PTPRG: variants seen among roughly 807,000 people sequenced by gnomAD.
PTPRG encodes the protein receptor-type tyrosine-protein phosphatase gamma.
In PTPRG, 102 loss-of-function variants were observed where a neutral mutation model predicts 165.3. That is an observed-to-expected ratio of 0.62 (90% CI 0.53 to 0.73). PTPRG has a LOEUF of 0.73. Ranked by LOEUF, PTPRG falls within the 30% of genes least tolerant of loss-of-function variation. PTPRG has a pLI of 0.00. For missense variants in PTPRG, 1,866 were observed against 1,861.4 expected, an observed-to-expected ratio of 1.00 and a Z score of -0.05; for synonymous variants, 675 against 669.5, an observed-to-expected ratio of 1.01 and a Z score of -0.13.
chr3:62,095,331 G>A (rs561603905), intron 5 of PTPRG, among the ~76,000 whole-genome samples: 1 of 152,310 alleles, frequency 6.6e-6, no homozygotes, highest in Admixed American at 6.5e-5. Flanking sequence ...ATTTTTGTGA[G>A]GTGGTGTGGT....
At chr3:62,177,703 C>T (rs942918365) in intron 8 of PTPRG, among the ~76,000 whole-genome samples, 1 of 152,116 alleles carries the variant, frequency 6.6e-6, no homozygotes, top group African/African-American at 2.4e-5. Context: ...AGGCTGTTCC[C>T]TCTACCTGGA....
At chr3:61,879,379 C>T (rs780776457) in intron 2 of PTPRG, among the ~76,000 whole-genome samples, 10 of 152,082 alleles carry the variant, frequency 6.6e-5, no homozygotes, top group Non-Finnish European at 1.2e-4. Context: ...TCGAGGTCTT[C>T]TTTTCTTTCT....
At chr3:62,115,826 C>G (rs1702846311) in intron 5 of PTPRG, among the ~76,000 whole-genome samples, 3 of 151,912 alleles carry the variant, frequency 2.0e-5, no homozygotes, top group African/African-American at 7.3e-5. Flanking sequence ...TGTGAGCCAC[C>G]ACTCCTGACC....
intron 2 of PTPRG, among the ~76,000 whole-genome samples, chr3:61,773,913 T>TA (rs1398443693): frequency 2.0e-5 from 3 of 151,964 alleles, no homozygotes; most frequent in Non-Finnish European, 2.9e-5. Flanking sequence ...TAGCTGGGAT[T>TA]ACAGGCGTGC....
intron 14 of PTPRG, 35 bp downstream of exon 14, chr3:62,231,346 T>C (rs771635450): frequency 6.6e-7 from 1 of 1,509,122 alleles, no homozygotes; most frequent in East Asian, 2.5e-5. Flanking sequence ...GGGGGCGTCT[T>C]GATGGCCGGG....
chr3:62,230,314 A>G (rs1156985875), intron 13 of PTPRG, among the ~76,000 whole-genome samples: 1 of 152,226 alleles, frequency 6.6e-6, no homozygotes, highest in Non-Finnish European at 1.5e-5. Context: ...CAGCGGACTC[A>G]ATAGTTAACA....
chr3:61,697,224 AT>A (rs1390116376), intron 1 of PTPRG, among the ~76,000 whole-genome samples: 1 of 152,138 alleles, frequency 6.6e-6, no homozygotes, highest in Admixed American at 6.6e-5. Context: ...AGGCATCCTT[AT>A]CACTGAGGTC....
In PTPRG at chr3:62,094,436, G is replaced by A. The variant is rs144016853; in HGVS notation, c.615+16178G>A. On this transcript the variant is annotated intron_variant, in intron 5 of 29. Transcript: ENST00000474889. ...TTTGGAACCACTTCTTCTGCAGGTC[G>A]CTCTCTCCTGAAATCTGGATGGTGC... 1.8e-3 allele frequency among the ~76,000 whole-genome samples: 271 copies of A among 152,172 alleles called. 1 individual carries two copies. Among genetic ancestry groups the A allele is most frequent in the African/African-American group, 6.1e-3 (253 of 41,522 alleles).
intron 6 of PTPRG, among the ~76,000 whole-genome samples, chr3:62,148,597 C>T (rs532342630): frequency 2.4e-4 from 36 of 152,100 alleles, no homozygotes; most frequent in African/African-American, 8.7e-4. Context: ...AACCCTGTCT[C>T]TACTAAAAAT....
chr3:62,132,385 G>A (rs189024129), intron 5 of PTPRG, among the ~76,000 whole-genome samples: 1 of 152,256 alleles, frequency 6.6e-6, no homozygotes, highest in East Asian at 1.9e-4. Flanking sequence ...CTGTTACAAT[G>A]TATTCTGAGA....
intron 5 of PTPRG, among the ~76,000 whole-genome samples, chr3:62,114,221 C>A (rs1702776420): frequency 6.6e-6 from 1 of 152,116 alleles, no homozygotes; most frequent in African/African-American, 2.4e-5. Context: ...ATCACTTGAA[C>A]TTGGGAGGCG....
chr3:62,027,579 C>CA (rs1699605967), intron 4 of PTPRG, among the ~76,000 whole-genome samples: 1 of 152,148 alleles, frequency 6.6e-6, no homozygotes, highest in Non-Finnish European at 1.5e-5. Flanking sequence ...CTACACCCTG[C>CA]AAAATCTAAT....
At chr3:61,770,052 G>T (rs573512152) in intron 2 of PTPRG, 1 of 152,280 alleles carries the variant, frequency 6.6e-6, no homozygotes, top group Non-Finnish European at 1.5e-5. Flanking sequence ...GCCAATTCCA[G>T]AAGTTTCCTT....
At chr3:61,722,550 G>T (rs1352205810) in intron 1 of PTPRG, among the ~76,000 whole-genome samples, 1 of 152,168 alleles carries the variant, frequency 6.6e-6, no homozygotes, top group Non-Finnish European at 1.5e-5. Context: ...GCTAGAATTA[G>T]AATTGGGCTT....
rs762680705 is a variant in PTPRG, at chr3:62,120,527, GA to G, written c.616-12074del. ...GTGCTTTGGGAGGCCGAGGTGGGTG[GA>G]TCACTTGAGGTCAGGAGTTCGAGAC... On this transcript the variant is annotated intron_variant, in intron 5 of 29. Transcript: ENST00000474889. Among the ~76,000 whole-genome samples the G allele has an allele frequency of 6.8e-5, 7 of 102,222 alleles. No individual in the cohort carries two copies. In the East Asian group the frequency reaches 2.8e-3, roughly 41 times the overall value. The allele number at this position is 102,222 out of a possible 152,430, so 67.1% of individuals were successfully genotyped here.
At chr3:62,166,461 C>T (rs1186127935) in intron 7 of PTPRG, among the ~76,000 whole-genome samples, 5 of 151,182 alleles carry the variant, frequency 3.3e-5, no homozygotes, top group Admixed American at 1.3e-4. Flanking sequence ...CTCAGCCTCC[C>T]GAGTAGCTGG....
chr3:61,748,915 T>A lies in PTPRG; in HGVS notation c.123T>A (p.Asn41Lys), dbSNP rs371539304. Reference protein sequence around the residue: ...TEGYVGALHENRHGSAVQIRR... With the variant: ...TEGYVGALHEKRHGSAVQIRR... ...GCTACGTTGGGGCCCTGCACGAGAATAGACACGGCAGCGCAGTGCAGATCC... is the reference window on the plus strand; with the variant it reads ...GCTACGTTGGGGCCCTGCACGAGAAAAGACACGGCAGCGCAGTGCAGATCC... The change falls in exon 2 of 30, where the codon AAT becomes AAA. Residue 41 changes from asparagine to lysine, a missense_variant. Transcript: ENST00000474889. 1.9e-6 allele frequency: 3 copies of A among 1,613,610 alleles called. No homozygotes were observed. Among genetic ancestry groups the A allele is most frequent in the East Asian group, 4.5e-5 (2 of 44,856 alleles).
intron 7 of PTPRG, among the ~76,000 whole-genome samples, chr3:62,166,405 C>T (rs1039929506): frequency 6.6e-6 from 1 of 151,076 alleles, no homozygotes; most frequent in Non-Finnish European, 1.5e-5. Context: ...GGCACAATCT[C>T]GGTGCACTGC....
In PTPRG at chr3:62,168,155, C is replaced by G; in HGVS notation, c.1025C>G (p.Ala342Gly). The change falls in exon 8 of 30, where the codon GCC (alanine) becomes GGC (glycine). Residue 342 changes from alanine (A) to glycine (G), a missense_variant. Around this residue, in one of 3 missense-constraint regions of PTPRG, gnomAD observed 1,452 missense variants for 1,463.0 expected, o/e 0.99. Coordinates refer to ENST00000474889, the MANE Select transcript of PTPRG (RefSeq NM_002841.4). ...TTAGAAAACCCACTGGGGACAGAAG[C>G]CTCTAAAGGTATATTTGGCTTAAGT... ...DFLENPLGTE[A>G]SKVCSSPPIH... 6.2e-7 allele frequency: 1 copy of G among 1,612,336 alleles called. No individual in the cohort carries two copies.
Sources: gnomAD v4.1 joint callset for allele counts (sites outside exome capture counted in the v4.1 genomes callset) on GRCh38, gnomAD v4.1.1 for gene constraint, gnomAD v4.1.1 regional missense constraint, MANE v1.5 for transcripts, NCBI Gene and HGNC (gene_info 2026-07-23, HGNC 2026-07-21) for gene names.